Variants in UBE2O observed in about 807,000 individuals in gnomAD.
The protein encoded by UBE2O is (E3-independent) E2 ubiquitin-conjugating enzyme.
In UBE2O, 15 loss-of-function variants were observed where a neutral mutation model predicts 125.8. The observed-to-expected ratio is 0.12, with a 90% CI of 0.08 to 0.18. The LOEUF is 0.18. Among genes scored for constraint, UBE2O ranks in the 10% least tolerant of loss-of-function variants. The pLI is 1.00. For missense variants in UBE2O, 1,280 were observed against 1,723.6 expected (o/e 0.74, Z 4.56); for synonymous variants, 708 against 703.2 (o/e 1.01, Z -0.11).
chr17:76,444,237 A>G (rs1358702801), intron 1 of UBE2O, among the ~76,000 whole-genome samples: 1 of 151,690 alleles, frequency 6.6e-6, no homozygotes, highest in Non-Finnish European at 1.5e-5. Flanking sequence ...AAAGCAAAAC[A>G]AAACAAAACA....
At chr17:76,420,124 G>A (rs1488201684) in intron 1 of UBE2O, among the ~76,000 whole-genome samples, 1 of 152,158 alleles carries the variant, frequency 6.6e-6, no homozygotes, top group Non-Finnish European at 1.5e-5. Context: ...TCCCCCAAAT[G>A]CCAAGCCTTG....
rs1195919477 is a variant in UBE2O at position 76,401,101 on chromosome 17, G to A, written c.804C>T (p.Gly268=). 1 of 1,613,716 alleles carries A rather than the reference G, an allele frequency of 6.2e-7. No homozygotes were observed. Among genetic ancestry groups the A allele is most frequent in the East Asian group, 2.2e-5 (1 of 44,890 alleles). Residue 268 remains glycine, a synonymous_variant, in exon 6 of 18, where the codon GGC becomes GGT. Transcript: ENST00000319380. ...GGACGCTGGAGAAGATCTTGGCAGG[G>A]CCAATGAGCACCTGGCCTGGGTAGA... ...YGFYPGQVLI[G]PAKIFSSVQW... is the part of the protein sequence containing the mutation.
Position 76,400,023 on chromosome 17 carries a change from T to C in UBE2O, c.1156-102A>G. On this transcript the variant is annotated intron_variant, in intron 8 of 17. Transcript: ENST00000319380. This position sits in a 1 kb window ranked among gnomAD's most constrained non-coding sequence, Gnocchi z 4.3. ...GGGATGACAGCTGTATACACCTGAGTAGCCGGCAAGGGTCATCAGGGCTGC... is the reference window on the plus strand; with the variant it reads ...GGGATGACAGCTGTATACACCTGAGCAGCCGGCAAGGGTCATCAGGGCTGC... The C allele has an allele frequency of 2.0e-6, 3 of 1,522,680 alleles. No homozygotes were observed. Among genetic ancestry groups the C allele is most frequent in the Admixed American group, 1.9e-5 (1 of 51,320 alleles). The allele number at this position is 1,522,680 out of a possible 1,614,324, so 94.3% of individuals were successfully genotyped here. A position where few individuals can be genotyped will look rare whatever the true frequency, so the allele number is the denominator to read the frequency against.
chr17:76,429,610 C>T (rs998497347), intron 1 of UBE2O, among the ~76,000 whole-genome samples: 43 of 145,472 alleles, frequency 3.0e-4, no homozygotes, highest in African/African-American at 7.4e-4. Flanking sequence ...ACCCTGTGAA[C>T]ATAAGCAAGG....
chr17:76,412,059 G>A (rs904099744), intron 1 of UBE2O, among the ~76,000 whole-genome samples: 5 of 152,182 alleles, frequency 3.3e-5, no homozygotes, highest in African/African-American at 1.2e-4. Flanking sequence ...AGTGCCCGCT[G>A]AGGCTTCACA....
At chr17:76,443,649 C>A (rs962104569) in intron 1 of UBE2O, among the ~76,000 whole-genome samples, 20 of 151,704 alleles carry the variant, frequency 1.3e-4, no homozygotes, top group African/African-American at 4.6e-4. Flanking sequence ...GTCACAATCA[C>A]AAGATTTTAT....
chr17:76,392,224 C>T (rs1598577491), intron 15 of UBE2O, 111 bp from the exon 16 acceptor site: 6 of 648,230 alleles, frequency 9.3e-6, no homozygotes, highest in African/African-American at 1.9e-5. Context: ...GTGCAGATCA[C>T]GCAGGAAGAG....
chr17:76,453,142 A>C lies in UBE2O; in HGVS notation c.-1T>G. The C allele has an allele frequency of 1.6e-6, 1 of 612,126 alleles. No individual in the cohort carries two copies. The highest frequency in any genetic ancestry group is 2.4e-6 in the Non-Finnish European group (1 of 415,876). 37.9% of individuals were successfully genotyped at this position (612,126 alleles called of 1,614,324 possible). ...GCGTGGGGGCTGCGGGATCCGCCAT[A>C]ACTGCTCTGCGCGAGTCTCGGGCGG... On this transcript the variant is annotated 5_prime_UTR_variant, in exon 1 of 18. Transcript: ENST00000319380.
At chr17:76,414,979 A>G (rs570145600) in intron 1 of UBE2O, among the ~76,000 whole-genome samples, 11 of 152,338 alleles carry the variant, frequency 7.2e-5, no homozygotes, top group African/African-American at 2.6e-4. Context: ...CCTCAAAAGT[A>G]TAAGTAGAAG....
chr17:76,438,864 T>C (rs1443183674), intron 1 of UBE2O, among the ~76,000 whole-genome samples: 1 of 152,122 alleles, frequency 6.6e-6, no homozygotes, highest in Non-Finnish European at 1.5e-5. Flanking sequence ...CTCCACGCCA[T>C]GCATGCATAG....
At chr17:76,428,560 C>G (rs1357412831) in intron 1 of UBE2O, among the ~76,000 whole-genome samples, 1 of 152,178 alleles carries the variant, frequency 6.6e-6, no homozygotes, top group Non-Finnish European at 1.5e-5. Context: ...AAGGCTTTCT[C>G]CTACCTGAAT....
In UBE2O at chr17:76,395,434, C is replaced by T. The variant is rs1470706214; in HGVS notation, c.2946+291G>A. The T allele has an allele frequency of 8.1e-4, 206 of 253,752 alleles. No homozygotes were observed. Among genetic ancestry groups the T allele is most frequent in the Non-Finnish European group, 2.2e-4 (29 of 133,718 alleles). The allele number at this position is 253,752 out of a possible 1,614,324, so 15.7% of individuals were successfully genotyped here. Reference sequence around the variant, plus strand: ...GTCTCGATCTCCTGACCTCGTGATCCACCCACCTCGGCCTCCCAAAGTGCT... The same window carrying T: ...GTCTCGATCTCCTGACCTCGTGATCTACCCACCTCGGCCTCCCAAAGTGCT... On this transcript the variant is annotated intron_variant, in intron 15 of 17. Coordinates refer to ENST00000319380, the MANE Select transcript of UBE2O (RefSeq NM_022066.4). This position sits in a 1 kb window ranked among gnomAD's most constrained non-coding sequence, Gnocchi z 5.0.
chr17:76,416,280 C>A (rs1207178604), intron 1 of UBE2O, among the ~76,000 whole-genome samples: 1 of 151,290 alleles, frequency 6.6e-6, no homozygotes, highest in East Asian at 1.9e-4. Context: ...AAAGCATGGC[C>A]CTGGACTGGC....
chr17:76,431,712 G>T (rs752654700), intron 1 of UBE2O, among the ~76,000 whole-genome samples: 9 of 151,960 alleles, frequency 5.9e-5, no homozygotes, highest in Non-Finnish European at 1.2e-4. Flanking sequence ...GAAGCCCAGC[G>T]GGGGGGACTG....
At chr17:76,445,466 T>C (rs1255100608) in intron 1 of UBE2O, among the ~76,000 whole-genome samples, 1 of 152,206 alleles carries the variant, frequency 6.6e-6, no homozygotes, top group Non-Finnish European at 1.5e-5. Flanking sequence ...AGGACATTCA[T>C]TCCAATCCTT....
intron 1 of UBE2O, among the ~76,000 whole-genome samples, chr17:76,409,282 TAG>T (rs1283442945): frequency 1.3e-5 from 2 of 151,986 alleles, no homozygotes; most frequent in Non-Finnish European, 2.9e-5. Flanking sequence ...GTCTATTTCT[TAG>T]AGAGTCGTAA....
chr17:76,392,703 A>G (rs1451420827), intron 15 of UBE2O, among the ~76,000 whole-genome samples: 2 of 151,742 alleles, frequency 1.3e-5, no homozygotes, highest in Non-Finnish European at 2.9e-5. Flanking sequence ...CTGTAATCCC[A>G]GCACTTTGGG....
chr17:76,405,116 A>G lies in UBE2O; in HGVS notation c.588+90T>C. 1.0e-6 allele frequency: 1 copy of G among 971,012 alleles called. No individual in the cohort carries two copies. Among genetic ancestry groups the G allele is most frequent in the Non-Finnish European group, 1.5e-6 (1 of 650,730 alleles). 60.1% of individuals were successfully genotyped at this position (971,012 alleles called of 1,614,324 possible). ...TGACCCAGGAAGGCTGTGCTTGGCA[A>G]GAGCACGGAGGAGGCTGTAGCCCAG... On this transcript the variant is annotated intron_variant, in intron 3 of 17. Transcript: ENST00000319380. The surrounding 1 kb of genome is among the most constrained non-coding windows in gnomAD (Gnocchi z 6.1).
chr17:76,423,259 G>A (rs2143812773), intron 1 of UBE2O, among the ~76,000 whole-genome samples: 1 of 152,254 alleles, frequency 6.6e-6, no homozygotes, highest in East Asian at 1.9e-4. Flanking sequence ...CGCACCTGGA[G>A]CCCCAGCTAC....
Sources: gnomAD v4.1 joint callset for allele counts (sites outside exome capture counted in the v4.1 genomes callset) on GRCh38, gnomAD v4.1.1 for gene constraint, Gnocchi (gnomAD v3.1) non-coding constraint, MANE v1.5 for transcripts, NCBI Gene and HGNC (gene_info 2026-07-23, HGNC 2026-07-21) for gene names.